The following VRK2 variants were observed in gnomAD, a reference collection of about 807,000 sequenced individuals.
VRK2 encodes the protein serine/threonine-protein kinase VRK2.
VRK2 carries 60 observed loss-of-function variants against 57.6 expected under a neutral mutation model. The observed-to-expected ratio is 1.04, with a 90% CI of 0.85 to 1.29. The LOEUF (loss-of-function observed/expected upper bound fraction) is 1.29, where lower values mean the gene tolerates loss of function less well. VRK2 is among the 50% of genes most tolerant of loss of function. The probability of loss-of-function intolerance (pLI) is 0.00; values close to 1 mark genes in which losing one functional copy is unlikely to be tolerated. For synonymous variants in VRK2, 231 were observed against 199.2 expected (o/e 1.16, Z -1.35); for missense variants, 705 against 588.1 (o/e 1.20, Z -2.06).
At chr2:58,054,910 A>G (rs1676289419) in intron 2 of VRK2, among the ~76,000 whole-genome samples, 1 of 152,150 alleles carries the variant, frequency 6.6e-6, no homozygotes, top group South Asian at 2.1e-4. Context: ...ATTTCAAGAT[A>G]ATTGTTGAGG....
chr2:58,130,303 G>A (rs1013522679), intron 8 of VRK2, among the ~76,000 whole-genome samples: 1 of 152,182 alleles, frequency 6.6e-6, no homozygotes, highest in Non-Finnish European at 1.5e-5. Flanking sequence ...AAGGAGACTT[G>A]TGAACACATC....
chr2:58,156,100 A>G (rs1388071653), intron 12 of VRK2, among the ~76,000 whole-genome samples: 1 of 152,078 alleles, frequency 6.6e-6, no homozygotes. Flanking sequence ...AATTACCAGA[A>G]TAAGGTGGGA....
intron 10 of VRK2, among the ~76,000 whole-genome samples, chr2:58,137,849 A>T (rs951332338): frequency 6.6e-6 from 1 of 152,248 alleles, no homozygotes; most frequent in African/African-American, 2.4e-5. Flanking sequence ...AGTAAATTTT[A>T]AAATGTACTT....
intron 12 of VRK2, among the ~76,000 whole-genome samples, chr2:58,152,808 TA>T (rs1298266711): frequency 6.6e-6 from 1 of 151,954 alleles, no homozygotes; most frequent in Non-Finnish European, 1.5e-5. Flanking sequence ...CCTATACCCT[TA>T]CCTACCCTTT....
chr2:58,116,077 G>A (rs1573197301), intron 7 of VRK2, among the ~76,000 whole-genome samples: 1 of 152,164 alleles, frequency 6.6e-6, no homozygotes, highest in African/African-American at 2.4e-5. Flanking sequence ...GAATGGTAAG[G>A]AGAGTTTATA....
chr2:58,158,918 C>CA (rs1684511311), intron 12 of VRK2, among the ~76,000 whole-genome samples: 1 of 152,074 alleles, frequency 6.6e-6, no homozygotes, highest in South Asian at 2.1e-4. Flanking sequence ...GCCCACTGTA[C>CA]AGTGGACACT....
chr2:58,024,312 G>A, intron 1 of VRK2, among the ~76,000 whole-genome samples: 1 of 152,176 alleles, frequency 6.6e-6, no homozygotes, highest in East Asian at 1.9e-4. Flanking sequence ...TTGTAAATAG[G>A]TTGAGGGTTC....
At chr2:58,139,575 A>G in intron 10 of VRK2, 91 bp from the exon 11 acceptor site, 2 of 1,161,516 alleles carry the variant, frequency 1.7e-6, no homozygotes, top group Non-Finnish European at 2.4e-6. Context: ...AAATGTGTAA[A>G]AGACAAAGAT....
chr2:58,122,569 C>T (rs1677682724), intron 7 of VRK2, among the ~76,000 whole-genome samples: 1 of 152,172 alleles, frequency 6.6e-6, no homozygotes, highest in South Asian at 2.1e-4. Context: ...GTTGAGTACG[C>T]TGAGGAAGGA....
chr2:58,046,950 G>A (rs374096249), intron 1 of VRK2, 82 bp downstream of exon 1: 3 of 985,546 alleles, frequency 3.0e-6, no homozygotes, highest in African/African-American at 3.5e-5. Context: ...CTCGGAAAAG[G>A]GCTGCCGTCG....
At chr2:58,019,591 G>C (rs898851453) in intron 1 of VRK2, among the ~76,000 whole-genome samples, 2 of 152,150 alleles carry the variant, frequency 1.3e-5, no homozygotes, top group Admixed American at 6.5e-5. Flanking sequence ...GAATTATTCA[G>C]ACTTCCTGGC....
intron 1 of VRK2, among the ~76,000 whole-genome samples, chr2:57,951,786 C>T (rs1176697034): frequency 6.6e-6 from 1 of 152,044 alleles, no homozygotes; most frequent in African/African-American, 2.4e-5. Context: ...CTCTGTTGCC[C>T]AGGATGGAGT....
At chr2:57,910,940 C>T (rs1338593261) in intron 1 of VRK2, among the ~76,000 whole-genome samples, 2 of 152,054 alleles carry the variant, frequency 1.3e-5, no homozygotes, top group African/African-American at 2.4e-5. Context: ...GCAGACTAGG[C>T]CCAAATGCCC....
chr2:57,944,600 G>C (rs1020511694), intron 1 of VRK2, among the ~76,000 whole-genome samples: 1 of 152,188 alleles, frequency 6.6e-6, no homozygotes, highest in Non-Finnish European at 1.5e-5. Flanking sequence ...GTCAGGCGTG[G>C]TGGCGGGCGC....
chr2:58,021,967 C>T lies in VRK2; in HGVS notation c.-438-3698C>T, dbSNP rs568759602. Among the ~76,000 whole-genome samples, 10 of 152,268 alleles carry T rather than the reference C, an allele frequency of 6.6e-5. No homozygotes were observed. The South Asian group carries it at 2.1e-3, about 32-fold the overall frequency. ...AGGTTGTAAAATGTCCACTTGAAAC[C>T]CTTAATCAGTCAGAACGTTGGTAAA... On this transcript the variant is annotated intron_variant, in intron 1 of 15. Transcript: ENST00000417641.
At chr2:58,064,857 AAC>A (rs1668407442) in intron 2 of VRK2, among the ~76,000 whole-genome samples, 1 of 152,166 alleles carries the variant, frequency 6.6e-6, no homozygotes, top group Non-Finnish European at 1.5e-5. Context: ...TGATTAAGAA[AAC>A]ATAAACATTT....
intron 1 of VRK2, among the ~76,000 whole-genome samples, chr2:57,950,496 A>G (rs1671394266): frequency 6.6e-6 from 1 of 152,160 alleles, no homozygotes; most frequent in African/African-American, 2.4e-5. Context: ...TAAGCCCACT[A>G]TTGAGACCCA....
chr2:58,137,198 A>ATCATATATATGATATATG (rs1680534770), intron 10 of VRK2, among the ~76,000 whole-genome samples: 1 of 90,914 alleles, frequency 1.1e-5, no homozygotes, highest in African/African-American at 7.7e-5. Context: ...TGATACATAT[A>ATCATATATATGATATATG]TATCTCATAT....
rs1439730424 is a variant in VRK2 at position 58,074,511 on chromosome 2, CA to C, written c.137-9575del. On this transcript the variant is annotated intron_variant, in intron 2 of 12. Transcript: ENST00000340157. ...TTGCAGGGCAACATTTACAACTAGT[CA>C]AAGTTTACTTTCAAATAACACTATA... Among the ~76,000 whole-genome samples the C allele has an allele frequency of 2.6e-5, 4 of 152,048 alleles. No homozygotes were observed. The East Asian group carries it at 7.7e-4, about 29-fold the overall frequency.
Sources: gnomAD v4.1 joint callset for allele counts (sites outside exome capture counted in the v4.1 genomes callset) on GRCh38, gnomAD v4.1.1 for gene constraint, MANE v1.5 for transcripts, NCBI Gene and HGNC (gene_info 2026-07-23, HGNC 2026-07-21) for gene names.